The following SH3RF2 variants were observed in gnomAD, a reference collection of about 807,000 sequenced individuals.
The protein encoded by SH3RF2 is SH3 domain containing ring finger 2.
A neutral mutation model predicts 59.0 loss-of-function variants in SH3RF2; 43 were observed. That is an observed-to-expected ratio of 0.73 (90% CI 0.57 to 0.94). The LOEUF (loss-of-function observed/expected upper bound fraction) is 0.94. SH3RF2 is among the 40% of genes least tolerant of loss of function. The probability of loss-of-function intolerance (pLI) is 0.00; values close to 1 mark genes in which losing one functional copy is unlikely to be tolerated. For synonymous variants in SH3RF2, 391 were observed against 391.5 expected (o/e 1.00, Z 0.01); for missense variants, 930 against 940.1 (o/e 0.99, Z 0.14).
chr5:146,075,151 T>C (rs1763317207), intron 9 of SH3RF2, among the ~76,000 whole-genome samples: 1 of 152,246 alleles, frequency 6.6e-6, no homozygotes, highest in Non-Finnish European at 1.5e-5. Flanking sequence ...CACTGTTTAA[T>C]GACCTGTTTC....
intron 2 of SH3RF2, among the ~76,000 whole-genome samples, chr5:145,987,829 A>C (rs1037664115): frequency 1.3e-5 from 2 of 152,136 alleles, no homozygotes; most frequent in Non-Finnish European, 2.9e-5. Flanking sequence ...CCTCTCTCCT[A>C]AGCTTCCTTA....
At chr5:146,047,553 G>T (rs894863721) in intron 5 of SH3RF2, among the ~76,000 whole-genome samples, 2 of 152,054 alleles carry the variant, frequency 1.3e-5, no homozygotes, top group Non-Finnish European at 2.9e-5. Flanking sequence ...CTTTTGGAAT[G>T]CAGTCCTGGC....
Position 145,997,521 on chromosome 5 carries a change from C to T in SH3RF2, c.379-2537C>T, listed in dbSNP as rs1760216788. 4 of 1,604,944 alleles carry T rather than the reference C, an allele frequency of 2.5e-6. No individual in the cohort carries two copies. The South Asian group carries it at 4.4e-5, about 18-fold the overall frequency. On this transcript the variant is annotated intron_variant, in intron 2 of 9. Coordinates refer to ENST00000359120, the MANE Select transcript of SH3RF2 (RefSeq NM_152550.4). ...AGATGCTTATGTCTATCTGAAGAAT[C>T]CTCCTCGAGATTTTCTTCCGAAAAT...
chr5:146,040,286 T>A (rs1762081370), intron 5 of SH3RF2, among the ~76,000 whole-genome samples: 1 of 152,242 alleles, frequency 6.6e-6, no homozygotes, highest in Non-Finnish European at 1.5e-5. Context: ...ATATTATTAT[T>A]CTTTAAATGA....
intron 8 of SH3RF2, among the ~76,000 whole-genome samples, chr5:146,056,610 G>A (rs544200101): frequency 6.6e-6 from 1 of 152,228 alleles, no homozygotes; most frequent in Non-Finnish European, 1.5e-5. Context: ...GGATGGGCAG[G>A]GCGTGGGAGT....
rs1762825864 is a variant in SH3RF2 at position 146,059,979 on chromosome 5, C to T, written c.1669C>T (p.Gln557Ter). The T allele has an allele frequency of 6.3e-7, 1 of 1,582,038 alleles. No individual in the cohort carries two copies. The highest frequency in any genetic ancestry group is 1.4e-5 in the African/African-American group (1 of 74,052). The change falls in exon 9 of 10, where the codon CAG (glutamine) becomes TAG (stop). Residue 557 changes from glutamine (Q) to a stop codon, truncating the protein, a stop_gained. Transcript: ENST00000359120. LOFTEE classifies it high-confidence loss of function. ...RPQQFQFYQP[Q>*]GIPSSPSAVV... is the part of the protein sequence containing the mutation. ...TCAGCAGTTCCAATTCTACCAGCCA[C>T]AGGGGATCCCCTCCTCCCCCTCAGC...
intron 2 of SH3RF2, among the ~76,000 whole-genome samples, chr5:145,968,895 G>C (rs1008900737): frequency 1.3e-5 from 2 of 152,210 alleles, no homozygotes; most frequent in Non-Finnish European, 2.9e-5. Flanking sequence ...AATTAGAAGA[G>C]AAAGGAAATG....
chr5:146,044,404 C>CT (rs1762235907), intron 5 of SH3RF2, among the ~76,000 whole-genome samples: 1 of 152,178 alleles, frequency 6.6e-6, no homozygotes, highest in Admixed American at 6.5e-5. Flanking sequence ...CCACCTCGGC[C>CT]TCCCAAAGTG....
rs73792775 is a variant in SH3RF2 at position 145,975,478 on chromosome 5, A to G, written c.379-24580A>G. Among the ~76,000 whole-genome samples, 7 of 152,330 alleles carry G rather than the reference A, an allele frequency of 4.6e-5. 1 individual carries two copies. Among genetic ancestry groups the G allele is most frequent in the African/African-American group, 1.7e-4 (7 of 41,574 alleles). On this transcript the variant is annotated intron_variant, in intron 2 of 9. Coordinates refer to ENST00000359120, the MANE Select transcript of SH3RF2 (RefSeq NM_152550.4). ...AGTGAGAGGAAAGAAAGGTATTTGG[A>G]TATCAGATCCCCCTTCCACCAAGTG...
chr5:146,049,879 A>G (rs1762435328), intron 7 of SH3RF2, among the ~76,000 whole-genome samples: 1 of 151,954 alleles, frequency 6.6e-6, no homozygotes, highest in Non-Finnish European at 1.5e-5. Flanking sequence ...ACTGCCACAA[A>G]TGCACCTAGA....
intron 2 of SH3RF2, among the ~76,000 whole-genome samples, chr5:145,982,039 G>C (rs890296240): frequency 5.3e-5 from 8 of 152,162 alleles, no homozygotes; most frequent in African/African-American, 1.9e-4. Context: ...CTCTACTTCT[G>C]CCTGTTTTAA....
At chr5:146,079,200 A>G (rs1763388250) in exon 10 of SH3RF2, 1 of 152,260 alleles carries the variant, frequency 6.6e-6, no homozygotes, top group Non-Finnish European at 1.5e-5. Context: ...GTAGAAAGAT[A>G]TAAATATCAC....
rs150964106 is a variant in SH3RF2, at chr5:146,010,577, G to T, written c.745-3170G>T. Reference sequence around the variant, plus strand: ...CTTTTTAATGTTTGCCATTCTAACCGGTGTGAGATGGTATCTCATTGTGGT... The same window carrying T: ...CTTTTTAATGTTTGCCATTCTAACCTGTGTGAGATGGTATCTCATTGTGGT... On this transcript the variant is annotated intron_variant, in intron 4 of 9. Coordinates refer to ENST00000359120, the MANE Select transcript of SH3RF2 (RefSeq NM_152550.4). Among the ~76,000 whole-genome samples, 1,196 of 152,286 alleles carry T rather than the reference G, an allele frequency of 7.9e-3. 7 individuals carry two copies. The highest frequency in any genetic ancestry group is 0.012 in the Non-Finnish European group (850 of 68,016).
At chr5:146,003,633 T>A (rs1473515530) in intron 3 of SH3RF2, among the ~76,000 whole-genome samples, 2 of 152,210 alleles carry the variant, frequency 1.3e-5, no homozygotes, top group Admixed American at 6.5e-5. Flanking sequence ...AAAAAGTTGC[T>A]TTATGTTTGA....
chr5:146,059,763 C>T (rs534347987), intron 8 of SH3RF2, 103 bp from the exon 9 acceptor site: 34 of 786,008 alleles, frequency 4.3e-5, no homozygotes, highest in Non-Finnish European at 5.8e-5. Flanking sequence ...ATTAGGAAAG[C>T]GCTTGTCTAT....
At position 146,000,253 on chromosome 5, in the gene SH3RF2, T is replaced by C. The variant is rs758478625; in HGVS notation, c.574T>C (p.Cys192Arg). ...IKQLPQPPPL[C>R]RALYNFDLRG... ...GCAGCTGCCCCAGCCGCCCCCGCTC[T>C]GCAGGGCCCTCTACAACTTCGACCT... Residue 192 changes from cysteine (C) to arginine (R), a missense_variant, in exon 3 of 10, where the codon TGC (cysteine) becomes CGC (arginine). By Grantham distance (180) the Cys-to-Arg change is radical (BLOSUM62 -3). Transcript: ENST00000359120. 1.2e-6 allele frequency: 2 copies of C among 1,613,996 alleles called. No individual in the cohort carries two copies. The highest frequency in any genetic ancestry group is 2.2e-5 in the East Asian group (1 of 44,876).
chr5:145,973,001 A>G (rs1759147027), intron 2 of SH3RF2, among the ~76,000 whole-genome samples: 1 of 152,208 alleles, frequency 6.6e-6, no homozygotes. Flanking sequence ...ACATGTAAAC[A>G]GTCAATTTAA....
intron 2 of SH3RF2, among the ~76,000 whole-genome samples, chr5:145,999,125 T>C (rs1760288660): frequency 6.6e-6 from 1 of 152,216 alleles, no homozygotes; most frequent in African/African-American, 2.4e-5. Flanking sequence ...TGCTTCACCT[T>C]GCATTTTTAT....
At chr5:145,939,544 G>A (rs868661498) in intron 2 of SH3RF2, among the ~76,000 whole-genome samples, 2 of 152,162 alleles carry the variant, frequency 1.3e-5, no homozygotes, top group African/African-American at 4.8e-5. Flanking sequence ...GAAGAAGCAG[G>A]ACATTTTTTC....
Sources: gnomAD v4.1 joint callset for allele counts (sites outside exome capture counted in the v4.1 genomes callset) on GRCh38, gnomAD v4.1.1 for gene constraint, MANE v1.5 for transcripts, NCBI Gene and HGNC (gene_info 2026-07-23, HGNC 2026-07-21) for gene names.